Variants in TENM2 observed in about 807,000 individuals in gnomAD.
TENM2 encodes the protein teneurin-2.
TENM2 carries 52 observed loss-of-function variants against 245.2 expected under a neutral mutation model. The ratio of observed to expected loss-of-function variants is 0.21; its 90% CI spans 0.17 to 0.27. The LOEUF (loss-of-function observed/expected upper bound fraction) is 0.27. Among genes scored for constraint, TENM2 ranks in the 10% least tolerant of loss-of-function variants. The probability of loss-of-function intolerance (pLI) is 1.00; values close to 1 mark genes in which losing one functional copy is unlikely to be tolerated. For synonymous variants in TENM2, 1,363 were observed against 1,438.9 expected (o/e 0.95, Z 1.19); for missense variants, 3,046 against 3,666.8 (o/e 0.83, Z 4.37).
At chr5:167,980,818 G>A (rs1249036894) in intron 4 of TENM2, among the ~76,000 whole-genome samples, 2 of 152,102 alleles carry the variant, frequency 1.3e-5, no homozygotes, top group Non-Finnish European at 2.9e-5. Context: ...GGGATGTGTT[G>A]GAGGCAAAGA....
chr5:167,288,006 C>T (rs1428957201), intron 1 of TENM2, among the ~76,000 whole-genome samples: 5 of 152,114 alleles, frequency 3.3e-5, no homozygotes, highest in African/African-American at 1.2e-4. Context: ...AAATAGATGC[C>T]ACTTTGAATA....
chr5:167,169,234 C>T, the TENM2 span, among the ~76,000 whole-genome samples: 9 of 152,090 alleles, frequency 5.9e-5, no homozygotes, highest in Non-Finnish European at 1.0e-4. Context: ...CTCTCACTGG[C>T]AGTAGATCAC....
At chr5:168,255,354 T>G (rs1217721515) in intron 27 of TENM2, among the ~76,000 whole-genome samples, 1 of 152,036 alleles carries the variant, frequency 6.6e-6, no homozygotes, top group Non-Finnish European at 1.5e-5. Flanking sequence ...CAGGCTGGAG[T>G]GCAGTGGCAC....
chr5:167,027,940 G>T, the TENM2 span, among the ~76,000 whole-genome samples: 1 of 151,768 alleles, frequency 6.6e-6, no homozygotes, highest in African/African-American at 2.4e-5. Context: ...CCTTGGTGGC[G>T]CACACCTGTA....
At chr5:167,494,086 C>G (rs1028146068) in intron 2 of TENM2, among the ~76,000 whole-genome samples, 7 of 152,076 alleles carry the variant, frequency 4.6e-5, no homozygotes, top group African/African-American at 1.7e-4. Context: ...ATTTAATGAT[C>G]CATCCGTTAC....
chr5:167,353,931 A>G (rs933207324), intron 1 of TENM2, among the ~76,000 whole-genome samples: 1 of 152,202 alleles, frequency 6.6e-6, no homozygotes, highest in Non-Finnish European at 1.5e-5. Context: ...TTTTATCTGT[A>G]CTAGTATCCC....
At chr5:168,069,856 T>C (rs1237994319) in intron 7 of TENM2, among the ~76,000 whole-genome samples, 1 of 152,154 alleles carries the variant, frequency 6.6e-6, no homozygotes, top group Non-Finnish European at 1.5e-5. Context: ...GTGGGGATCT[T>C]CTTGAACGTG....
chr5:167,402,795 A>G (rs952563774), intron 2 of TENM2, among the ~76,000 whole-genome samples: 13 of 152,152 alleles, frequency 8.5e-5, no homozygotes, highest in Admixed American at 7.9e-4. Flanking sequence ...TAGCTTAACA[A>G]GGGTTTAAAG....
chr5:168,046,693 G>A (rs1489830206), intron 5 of TENM2, among the ~76,000 whole-genome samples: 2 of 152,148 alleles, frequency 1.3e-5, no homozygotes, highest in East Asian at 3.9e-4. Context: ...TCAGAACTCT[G>A]TTTCATTCCA....
rs138354309 is a variant in TENM2 at position 167,918,060 on chromosome 5, C to T, written c.713-34528C>T. ...ATATGACATTTAGTACAGTGCTTAGCACAAAGTTAGTGCTCCGTGAAGGTT... is the reference window on the plus strand; with the variant it reads ...ATATGACATTTAGTACAGTGCTTAGTACAAAGTTAGTGCTCCGTGAAGGTT... On this transcript the variant is annotated intron_variant, in intron 3 of 28. Coordinates refer to ENST00000518659, the Ensembl canonical transcript of TENM2. Among the ~76,000 whole-genome samples the T allele has an allele frequency of 5.6e-3, 860 of 152,218 alleles. 7 individuals are homozygous for T. The highest frequency in any genetic ancestry group is 0.022 in the South Asian group (108 of 4,810).
At chr5:167,454,780 G>T (rs1180539910) in intron 2 of TENM2, among the ~76,000 whole-genome samples, 1 of 152,166 alleles carries the variant, frequency 6.6e-6, no homozygotes, top group Non-Finnish European at 1.5e-5. Flanking sequence ...CAAAAGTCCA[G>T]GGACTCCTAC....
chr5:167,400,196 A>T (rs1762283832), intron 2 of TENM2, among the ~76,000 whole-genome samples: 1 of 152,154 alleles, frequency 6.6e-6, no homozygotes, highest in African/African-American at 2.4e-5. Context: ...GACTTGAACC[A>T]GAAGGAGGAA....
intron 3 of TENM2, among the ~76,000 whole-genome samples, chr5:167,951,575 G>T (rs1353101908): frequency 1.3e-5 from 2 of 152,114 alleles, no homozygotes; most frequent in Admixed American, 1.3e-4. Context: ...CCAAGGGAGA[G>T]CTCTCCTTTG....
intron 2 of TENM2, among the ~76,000 whole-genome samples, chr5:167,642,798 A>G (rs1329445821): frequency 6.6e-6 from 1 of 152,208 alleles, no homozygotes; most frequent in Non-Finnish European, 1.5e-5. Context: ...TATCATTTGC[A>G]TGTGCATGCT....
intron 2 of TENM2, among the ~76,000 whole-genome samples, chr5:167,792,283 G>T (rs1765030108): frequency 6.6e-6 from 1 of 151,954 alleles, no homozygotes; most frequent in Non-Finnish European, 1.5e-5. Context: ...CCATGATGTT[G>T]TCATTACAAC....
At chr5:168,064,694 G>A (rs555521967) in intron 7 of TENM2, among the ~76,000 whole-genome samples, 3 of 152,298 alleles carry the variant, frequency 2.0e-5, no homozygotes, top group South Asian at 2.1e-4. Context: ...CAGCCCCATC[G>A]CACATTTCAA....
At chr5:167,217,756 C>T in the TENM2 span, among the ~76,000 whole-genome samples, 1 of 147,116 alleles carries the variant, frequency 6.8e-6, no homozygotes, top group African/African-American at 2.5e-5. Flanking sequence ...ATATGTGAGA[C>T]AGATATATAT....
At chr5:167,300,161 G>T (rs921352886) in intron 1 of TENM2, among the ~76,000 whole-genome samples, 1 of 152,130 alleles carries the variant, frequency 6.6e-6, no homozygotes, top group Admixed American at 6.5e-5. Context: ...AAGGGATTGA[G>T]GTTTGGGAGA....
chr5:167,553,623 G>A (rs1773091923), intron 2 of TENM2, among the ~76,000 whole-genome samples: 1 of 152,196 alleles, frequency 6.6e-6, no homozygotes, highest in Non-Finnish European at 1.5e-5. Context: ...AGAAAAGATT[G>A]GGGGCGGGGG....
Sources: allele counts gnomAD v4.1 joint callset (sites outside exome capture counted in the v4.1 genomes callset), GRCh38; gene constraint gnomAD v4.1.1; transcripts MANE v1.5; gene names NCBI Gene and HGNC (gene_info 2026-07-23, HGNC 2026-07-21).